MCMDC2: variants seen among roughly 807,000 people sequenced by gnomAD.
The protein encoded by MCMDC2 is minichromosome maintenance domain containing 2.
In MCMDC2, 54 loss-of-function variants were observed where a neutral mutation model predicts 75.8. The observed-to-expected ratio is 0.71, with a 90% confidence interval of 0.57 to 0.89. The LOEUF is 0.89. Ranked by LOEUF, MCMDC2 falls within the 40% of genes least tolerant of loss-of-function variation. The pLI is 0.00. For synonymous variants in MCMDC2, 249 were observed against 274.6 expected (o/e 0.91, Z 0.92); for missense variants, 656 against 780.4 (o/e 0.84, Z 1.90).
Position 66,920,997 on chromosome 8 carries a change from A to G in MCMDC2, c.*1828A>G, listed in dbSNP as rs572353043. ...GGCTTTTATTTACTTATCTATATTT[A>G]TATATACATATTTATATGTAGCTGT... On this transcript the variant is annotated 3_prime_UTR_variant, in exon 15 of 15. Transcript: ENST00000422365. 1 of 152,128 alleles carries G rather than the reference A, an allele frequency of 6.6e-6. No individual in the cohort carries two copies. The highest frequency in any genetic ancestry group is 2.4e-5 in the African/African-American group (1 of 41,508). The allele number at this position is 152,128 out of a possible 1,614,324, so 9.4% of individuals were successfully genotyped here.
Position 66,896,247 on chromosome 8 carries a change from C to T in MCMDC2, c.1357C>T (p.Pro453Ser). Reference protein sequence around the residue: ...GEDIDQQMTFPVQCSFWSFVD... With the variant: ...GEDIDQQMTFSVQCSFWSFVD... ...GGATATTGATCAACAGATGACTTTT[C>T]CAGTTCAGTGCAGTTTTTGGTCTTT... The change falls in exon 11 of 15, where the codon CCA (proline) becomes TCA (serine). Residue 453 changes from proline to serine, a missense_variant. Transcript: ENST00000422365. 6.2e-7 allele frequency: 1 copy of T among 1,612,042 alleles called. No individual in the cohort carries two copies. The highest frequency in any genetic ancestry group is 8.5e-7 in the Non-Finnish European group (1 of 1,179,686).
chr8:66,896,398 A>AGATG, intron 11 of MCMDC2, 62 bp downstream of exon 11: 1 of 1,411,834 alleles, frequency 7.1e-7, no homozygotes, highest in Non-Finnish European at 9.5e-7. Flanking sequence ...ATAAATTTTA[A>AGATG]TACATCTTAA....
intron 8 of MCMDC2, 117 bp from the exon 9 acceptor site, chr8:66,883,640 A>G: frequency 1.6e-6 from 1 of 630,410 alleles, no homozygotes; most frequent in South Asian, 2.1e-5. Context: ...AAAAAAAAAG[A>G]ATATGGTATT....
intron 14 of MCMDC2, among the ~76,000 whole-genome samples, chr8:66,918,609 G>C (rs758204972): frequency 2.2e-4 from 34 of 152,096 alleles, no homozygotes; most frequent in Non-Finnish European, 4.4e-4. Context: ...TTACCTTCCA[G>C]TACCTTTTCT....
At chr8:66,892,784 T>G (rs1205206180) in intron 10 of MCMDC2, among the ~76,000 whole-genome samples, 1 of 152,170 alleles carries the variant, frequency 6.6e-6, no homozygotes, top group Non-Finnish European at 1.5e-5. Context: ...CCTGCCCCTA[T>G]CTGCCCAGGA....
At chr8:66,915,489 A>T (rs949188390) in intron 14 of MCMDC2, among the ~76,000 whole-genome samples, 3 of 142,850 alleles carry the variant, frequency 2.1e-5, no homozygotes, top group Non-Finnish European at 4.5e-5. Context: ...ATATATATTT[A>T]TATATTTATA....
chr8:66,904,037 A>T (rs1307067986), intron 13 of MCMDC2, among the ~76,000 whole-genome samples: 1 of 152,140 alleles, frequency 6.6e-6, no homozygotes, highest in Non-Finnish European at 1.5e-5. Context: ...AAAGGATTTG[A>T]TATTTCATTC....
chr8:66,892,158 C>G (rs1472443203), intron 10 of MCMDC2, among the ~76,000 whole-genome samples: 2 of 152,172 alleles, frequency 1.3e-5, no homozygotes, highest in Non-Finnish European at 2.9e-5. Flanking sequence ...GGCAGCCACC[C>G]AAGGCTGGCA....
intron 9 of MCMDC2, among the ~76,000 whole-genome samples, chr8:66,889,127 C>T (rs1003751301): frequency 1.3e-5 from 2 of 152,204 alleles, no homozygotes; most frequent in Non-Finnish European, 2.9e-5. Flanking sequence ...TTTTGCACTG[C>T]ATGTCTATGC....
intron 14 of MCMDC2, among the ~76,000 whole-genome samples, chr8:66,907,736 T>C (rs898428070): frequency 4.6e-5 from 7 of 152,214 alleles, no homozygotes; most frequent in Non-Finnish European, 1.0e-4. Context: ...CCAGCATCTG[T>C]TGTTTCCTGG....
chr8:66,908,540 T>G (rs1283585608), intron 14 of MCMDC2, among the ~76,000 whole-genome samples: 1 of 152,150 alleles, frequency 6.6e-6, no homozygotes, highest in East Asian at 1.9e-4. Context: ...AAGATGAAAA[T>G]ATATGTCTTT....
intron 9 of MCMDC2, among the ~76,000 whole-genome samples, chr8:66,887,619 T>C (rs1811906664): frequency 6.6e-6 from 1 of 152,154 alleles, no homozygotes; most frequent in South Asian, 2.1e-4. Context: ...TGTTTTCTTC[T>C]AGAAGCATTA....
intron 9 of MCMDC2, among the ~76,000 whole-genome samples, chr8:66,890,408 C>G (rs1812049803): frequency 6.6e-6 from 1 of 151,700 alleles, no homozygotes; most frequent in African/African-American, 2.4e-5. Context: ...TACACGGAGT[C>G]TTGCTCTGTC....
chr8:66,872,125 C>T (rs922849059), intron 1 of MCMDC2, among the ~76,000 whole-genome samples: 2 of 152,136 alleles, frequency 1.3e-5, no homozygotes, highest in Non-Finnish European at 2.9e-5. Context: ...CTTATGGCCA[C>T]GGAGAAATAA....
At position 66,919,387 on chromosome 8, in the gene MCMDC2, A is replaced by T; in HGVS notation, c.*218A>T. On this transcript the variant is annotated 3_prime_UTR_variant, in exon 15 of 15. Transcript: ENST00000422365. Reference sequence around the variant, plus strand: ...AAACCAACAGAATTTTAAAACTTAGAACAATGTGGACAATTTAAAGTGATA... The same window carrying T: ...AAACCAACAGAATTTTAAAACTTAGTACAATGTGGACAATTTAAAGTGATA... 2.9e-6 allele frequency: 1 copy of T among 341,208 alleles called. No individual in the cohort carries two copies. Among genetic ancestry groups the T allele is most frequent in the Non-Finnish European group, 5.2e-6 (1 of 190,684 alleles). The allele number at this position is 341,208 out of a possible 1,614,324, so 21.1% of individuals were successfully genotyped here.
intron 14 of MCMDC2, among the ~76,000 whole-genome samples, chr8:66,914,227 G>A (rs1321820568): frequency 1.4e-5 from 2 of 143,424 alleles, no homozygotes; most frequent in South Asian, 2.2e-4. Flanking sequence ...AGGCTGCAAT[G>A]AGCCATGATC....
Position 66,883,787 on chromosome 8 carries a change from GTCTCC to G in MCMDC2, c.873_877del (p.Ser292AsnfsTer42), listed in dbSNP as rs755313982. On this transcript the variant is annotated frameshift_variant, in exon 9 of 15. Transcript: ENST00000422365. LOFTEE classifies it high-confidence loss of function. ...TCAGGAATTAGTGACAACTTCAGGTGTCTCCTCTCCTTAACTTCCAGCTCATGCTG... is the reference window on the plus strand; with the variant it reads ...TCAGGAATTAGTGACAACTTCAGGTGTCTCCTTAACTTCCAGCTCATGCTG... 6.2e-7 allele frequency: 1 copy of G among 1,612,092 alleles called. No homozygotes were observed. Among genetic ancestry groups the G allele is most frequent in the Non-Finnish European group, 8.5e-7 (1 of 1,179,002 alleles).
chr8:66,883,877 A>G lies in MCMDC2; in HGVS notation c.956A>G (p.Tyr319Cys). The G allele has an allele frequency of 6.2e-7, 1 of 1,613,998 alleles. No homozygotes were observed. The highest frequency in any genetic ancestry group is 8.5e-7 in the Non-Finnish European group (1 of 1,179,940). ...FASQITPPGT[Y>C]NLLKLCLLMS... Reference sequence around the variant, plus strand: ...TCACAAATTACCCCTCCTGGGACTTACAATTTGCTCAAGCTCTGTTTGTTG... The same window carrying G: ...TCACAAATTACCCCTCCTGGGACTTGCAATTTGCTCAAGCTCTGTTTGTTG... The change falls in exon 9 of 15, where the codon TAC becomes TGC. Residue 319 changes from tyrosine to cysteine, a missense_variant. By Grantham distance (194) the Tyr-to-Cys change is radical. Transcript: ENST00000422365.
intron 13 of MCMDC2, among the ~76,000 whole-genome samples, chr8:66,902,708 AAAAATAT>A (rs1440093779): frequency 1.1e-4 from 13 of 121,862 alleles, no homozygotes; most frequent in East Asian, 7.3e-4. Flanking sequence ...AAAAAAAAAA[AAAAATAT>A]ATATATATAT....
Sources: allele counts gnomAD v4.1 joint callset (sites outside exome capture counted in the v4.1 genomes callset), GRCh38; gene constraint gnomAD v4.1.1; transcripts MANE v1.5; gene names NCBI Gene and HGNC (gene_info 2026-07-23, HGNC 2026-07-21).